BSN: variants seen among roughly 807,000 people sequenced by gnomAD.
BSN encodes the protein protein bassoon.
A neutral mutation model predicts 264.8 loss-of-function variants in BSN; 57 were observed. The observed-to-expected ratio is 0.22, with a 90% CI of 0.17 to 0.27. The LOEUF is 0.27. BSN is among the 10% of genes least tolerant of loss of function. BSN has a pLI of 1.00. For synonymous variants in BSN, 2,059 were observed against 2,137.3 expected (o/e 0.96, Z 1.01); for missense variants, 4,615 against 5,232.5 (o/e 0.88, Z 3.64).
Position 49,606,903 on chromosome 3 carries a change from G to A in BSN, c.225-18072G>A, listed in dbSNP as rs1000246020. ...GGCCGAGGCGGGCGGATCACCTGAGGTCAGGAGTTGGAGACCAGCCTGGCC... is the reference window on the plus strand; with the variant it reads ...GGCCGAGGCGGGCGGATCACCTGAGATCAGGAGTTGGAGACCAGCCTGGCC... On this transcript the variant is annotated intron_variant, in intron 1 of 11. Transcript: ENST00000296452. 8.5e-5 allele frequency among the ~76,000 whole-genome samples: 13 copies of A among 152,136 alleles called. No individual in the cohort carries two copies. The South Asian group carries it at 2.7e-3, about 32-fold the overall frequency.
chr3:49,637,017 GC>G (rs1487774478), intron 2 of BSN, among the ~76,000 whole-genome samples: 1 of 152,250 alleles, frequency 6.6e-6, no homozygotes, highest in Non-Finnish European at 1.5e-5. Context: ...GGCCAGTGGG[GC>G]CCTCCCAGGA....
intron 2 of BSN, among the ~76,000 whole-genome samples, chr3:49,628,264 G>A (rs1438037010): frequency 1.2e-5 from 1 of 84,082 alleles, no homozygotes; most frequent in Admixed American, 1.2e-4. Context: ...TGATTGAACA[G>A]TTGTGCCGAA....
chr3:49,627,333 C>T (rs1299744978), intron 2 of BSN, among the ~76,000 whole-genome samples: 1 of 152,194 alleles, frequency 6.6e-6, no homozygotes, highest in Non-Finnish European at 1.5e-5. Flanking sequence ...CAAGTTCACA[C>T]ATGGTGAATA....
intron 1 of BSN, among the ~76,000 whole-genome samples, chr3:49,604,593 A>AT (rs2052096259): frequency 1.3e-5 from 2 of 151,790 alleles, no homozygotes; most frequent in South Asian, 2.1e-4. Flanking sequence ...TATATAACAC[A>AT]CTTTTTTTAC....
Position 49,651,166 on chromosome 3 carries a change from A to G in BSN, c.1986+87A>G. ...TGCCTCCCTGGGTGGCTGAGGCTGT[A>G]GGCTCAGGACAGGTGCCTTGGGGCC... On this transcript the variant is annotated intron_variant, in intron 4 of 11. Transcript: ENST00000296452. This position sits in a 1 kb window ranked among gnomAD's most constrained non-coding sequence, Gnocchi z 5.4. 7.3e-7 allele frequency: 1 copy of G among 1,360,890 alleles called. No homozygotes were observed. The highest frequency in any genetic ancestry group is 1.4e-5 in the South Asian group (1 of 72,398). The allele number at this position is 1,360,890 out of a possible 1,614,324, so 84.3% of individuals were successfully genotyped here. A position where few individuals can be genotyped will look rare whatever the true frequency, so the allele number is the denominator to read the frequency against.
chr3:49,608,274 G>A (rs757231974), intron 1 of BSN, among the ~76,000 whole-genome samples: 1 of 152,176 alleles, frequency 6.6e-6, no homozygotes, highest in African/African-American at 2.4e-5. Flanking sequence ...AGGAAAGACT[G>A]CATAGTTGGC....
At position 49,651,128 on chromosome 3, in the gene BSN, C is replaced by A; in HGVS notation, c.1986+49C>A. 6.5e-7 allele frequency: 1 copy of A among 1,549,614 alleles called. No homozygotes were observed. The highest frequency in any genetic ancestry group is 1.2e-5 in the South Asian group (1 of 84,470). On this transcript the variant is annotated intron_variant, in intron 4 of 11. Transcript: ENST00000296452. The surrounding 1 kb of genome is among the most constrained non-coding windows in gnomAD (Gnocchi z 5.4). ...GACCCTAGCTTTCAGACAGGACAGTCTATGGAAAGGCTTGCCTCCCTGGGT... is the reference window on the plus strand; with the variant it reads ...GACCCTAGCTTTCAGACAGGACAGTATATGGAAAGGCTTGCCTCCCTGGGT...
At chr3:49,575,160 C>G (rs1186342762) in intron 1 of BSN, among the ~76,000 whole-genome samples, 2 of 151,792 alleles carry the variant, frequency 1.3e-5, no homozygotes, top group Admixed American at 6.6e-5. Context: ...CGAAGATCAG[C>G]CTGGGCAAAA....
chr3:49,650,774 C>T lies in BSN; in HGVS notation c.1681C>T (p.Leu561=). Residue 561 remains leucine (L), a synonymous_variant, in exon 4 of 12, where the codon CTG becomes TTG. Transcript: ENST00000296452. ...SPLKQKGPQG[L]GQPSGPLPAK... is the part of the protein sequence containing the mutation. ...TCTGAAGCAGAAAGGGCCACAGGGGCTGGGCCAGCCTTCAGGCCCCCTGCC... is the reference window on the plus strand; with the variant it reads ...TCTGAAGCAGAAAGGGCCACAGGGGTTGGGCCAGCCTTCAGGCCCCCTGCC... The T allele has an allele frequency of 1.2e-6, 2 of 1,613,806 alleles. No homozygotes were observed. Among genetic ancestry groups the T allele is most frequent in the Non-Finnish European group, 1.7e-6 (2 of 1,179,944 alleles).
At chr3:49,613,737 A>G (rs1302795791) in intron 1 of BSN, among the ~76,000 whole-genome samples, 2 of 150,830 alleles carry the variant, frequency 1.3e-5, no homozygotes, top group Non-Finnish European at 2.9e-5. Context: ...CAAACTCCTG[A>G]CTTCAAGTGA....
chr3:49,653,294 G>A lies in BSN; in HGVS notation c.3738G>A (p.Glu1246=), dbSNP rs752480634. 1 of 1,612,468 alleles carries A rather than the reference G, an allele frequency of 6.2e-7. No individual in the cohort carries two copies. The highest frequency in any genetic ancestry group is 8.5e-7 in the Non-Finnish European group (1 of 1,179,812). Reference sequence around the variant, plus strand: ...GCCAGGCTGCTCAGCCTGCCGCAGAGGGCACGCCAGCCAGCCTGGGAGCAG... The same window carrying A: ...GCCAGGCTGCTCAGCCTGCCGCAGAAGGCACGCCAGCCAGCCTGGGAGCAG... ...EYGQAAQPAA[E]GTPASLGAAV... Residue 1246 remains glutamate, a synonymous_variant, in exon 5 of 12, where the codon GAG becomes GAA. Transcript: ENST00000296452. The surrounding 1 kb of genome is among the most constrained non-coding windows in gnomAD (Gnocchi z 6.3).
At position 49,656,656 on chromosome 3, in the gene BSN, A is replaced by G; in HGVS notation, c.7100A>G (p.Lys2367Arg). ...GCATCACAGGAGGAGAGGCAGCGGA[A>G]GCAACAGGAGCAGCTGCTCCAGCTA... ...EEASQEERQR[K>R]QQEQLLQLER... is the part of the protein sequence containing the mutation. Residue 2367 changes from lysine to arginine, a missense_variant, in exon 5 of 12, where the codon AAG becomes AGG. Coordinates refer to ENST00000296452, the MANE Select transcript of BSN (RefSeq NM_003458.4). The G allele has an allele frequency of 2.5e-6, 4 of 1,607,302 alleles. No homozygotes were observed. Among genetic ancestry groups the G allele is most frequent in the Non-Finnish European group, 3.4e-6 (4 of 1,177,104 alleles).
chr3:49,581,358 G>A (rs1410680012), intron 1 of BSN, among the ~76,000 whole-genome samples: 7 of 152,124 alleles, frequency 4.6e-5, no homozygotes, highest in Non-Finnish European at 1.5e-5. Context: ...CTGCGGTCTT[G>A]CTTTCTGTGG....
chr3:49,562,139 C>G (rs2051716018), intron 1 of BSN, among the ~76,000 whole-genome samples: 1 of 152,184 alleles, frequency 6.6e-6, no homozygotes, highest in South Asian at 2.1e-4. Flanking sequence ...TTCCTCCTAT[C>G]TAACTGAAAC....
chr3:49,597,919 AG>A (rs1386547343), intron 1 of BSN, among the ~76,000 whole-genome samples: 1 of 151,876 alleles, frequency 6.6e-6, no homozygotes, highest in African/African-American at 2.4e-5. Flanking sequence ...CTGGGATTAC[AG>A]GCGTGAGCCA....
chr3:49,663,994 C>A, intron 8 of BSN, 108 bp downstream of exon 8: 1 of 1,102,826 alleles, frequency 9.1e-7, no homozygotes, highest in Non-Finnish European at 1.3e-6. Context: ...CCTCACTAAT[C>A]CCTGAGAAGG....
At chr3:49,558,572 C>A (rs1414546778) in intron 1 of BSN, among the ~76,000 whole-genome samples, 1 of 152,210 alleles carries the variant, frequency 6.6e-6, no homozygotes, top group Non-Finnish European at 1.5e-5. Flanking sequence ...ATTATATCAG[C>A]CAACTCAGCC....
intron 1 of BSN, among the ~76,000 whole-genome samples, chr3:49,588,922 T>G (rs946063443): frequency 2.0e-5 from 3 of 151,216 alleles, no homozygotes; most frequent in African/African-American, 2.4e-5. Context: ...GTGGAGTGTT[T>G]TTTTTTTTTT....
chr3:49,661,364 A>T lies in BSN; in HGVS notation c.9519A>T (p.Ser3173=), dbSNP rs1210553706. ...CCAGCCCCGTTGTGCCCATGTCTTC[A>T]GCCCCATCTGAAACCAGCTACAGTG... The part of the protein sequence containing the change: ...VIASPVVPMS[S]APSETSYSGP... Residue 3173 remains serine (S), a synonymous_variant, in exon 6 of 12, where the codon TCA becomes TCT. Transcript: ENST00000296452. 6.2e-7 allele frequency: 1 copy of T among 1,613,988 alleles called. No homozygotes were observed. Among genetic ancestry groups the T allele is most frequent in the South Asian group, 1.1e-5 (1 of 91,078 alleles).
Sources: gnomAD v4.1 joint callset for allele counts (sites outside exome capture counted in the v4.1 genomes callset) on GRCh38, gnomAD v4.1.1 for gene constraint, Gnocchi (gnomAD v3.1) non-coding constraint, MANE v1.5 for transcripts, NCBI Gene and HGNC (gene_info 2026-07-23, HGNC 2026-07-21) for gene names.